Variants in ROPN1L observed in about 807,000 individuals in gnomAD.
ROPN1L encodes the protein ropporin-1-like protein.
In ROPN1L, 23 loss-of-function variants were observed where a neutral mutation model predicts 22.7. That is an observed-to-expected ratio of 1.01 (90% CI 0.73 to 1.43). The LOEUF (loss-of-function observed/expected upper bound fraction) is 1.43. Among genes scored for constraint, ROPN1L ranks in the 40% most tolerant of loss-of-function variants. The pLI, the probability that ROPN1L is intolerant of heterozygous loss-of-function variation, is 0.00. For missense variants in ROPN1L, 271 were observed against 291.5 expected (o/e 0.93, Z 0.51); for synonymous variants, 116 against 117.8 (o/e 0.98, Z 0.10).
intron 3 of ROPN1L, among the ~76,000 whole-genome samples, chr5:10,458,830 ACCATCCCCCCGTATGCC>A (rs1429024229): frequency 5.4e-4 from 5 of 9,310 alleles, no homozygotes; most frequent in East Asian, 4.6e-3. Context: ...ACCCATGTAC[ACCATCCCCCCGTATGCC>A]CCATCCCCCC....
At chr5:10,479,291 TGTGA>T in the ROPN1L span, 2 of 152,248 alleles carry the variant, frequency 1.3e-5, no homozygotes, top group Non-Finnish European at 2.9e-5. Flanking sequence ...GCCCAAGTTC[TGTGA>T]GTGAGTCAGT....
chr5:10,478,946 T>G, the ROPN1L span, among the ~76,000 whole-genome samples: 1 of 152,168 alleles, frequency 6.6e-6, no homozygotes, highest in Non-Finnish European at 1.5e-5. Flanking sequence ...GTGATGATGA[T>G]GAGGATGATG....
chr5:10,467,722 T>C (rs1231902553), downstream of ROPN1L, among the ~76,000 whole-genome samples: 2 of 152,248 alleles, frequency 1.3e-5, no homozygotes, highest in African/African-American at 2.4e-5. Context: ...GGCAGCTTCC[T>C]GCATGACTCA....
chr5:10,457,894 G>A (rs1030523376), intron 3 of ROPN1L, among the ~76,000 whole-genome samples: 4 of 152,030 alleles, frequency 2.6e-5, no homozygotes, highest in East Asian at 1.9e-4. Context: ...CCCTGCAGGC[G>A]ATTCCCCAGG....
chr5:10,443,517 G>A (rs1740951837), intron 1 of ROPN1L, among the ~76,000 whole-genome samples: 1 of 151,826 alleles, frequency 6.6e-6, no homozygotes, highest in South Asian at 2.1e-4. Flanking sequence ...AGCTACTCGG[G>A]AGGCTGAGGC....
At chr5:10,465,831 C>T (rs1428540969), downstream of ROPN1L, among the ~76,000 whole-genome samples, 1 of 152,146 alleles carries the variant, frequency 6.6e-6, no homozygotes, top group Admixed American at 6.5e-5. Context: ...GAGCGAGACT[C>T]CATCTAAAAA....
chr5:10,471,403 C>T (rs989205213), intron 4 of ROPN1L, among the ~76,000 whole-genome samples: 7 of 152,186 alleles, frequency 4.6e-5, no homozygotes, highest in African/African-American at 1.4e-4. Flanking sequence ...CTGCCTTGGC[C>T]TCCCAAAGTG....
intron 4 of ROPN1L, among the ~76,000 whole-genome samples, chr5:10,470,786 C>T (rs1481580944): frequency 6.6e-5 from 10 of 152,196 alleles, no homozygotes; most frequent in African/African-American, 9.7e-5. Flanking sequence ...GTGCCCTGGC[C>T]GTGGGGCCTC....
At position 10,442,305 on chromosome 5, in the gene ROPN1L, G is replaced by C; in HGVS notation, c.131+7G>C. 6.2e-7 allele frequency: 1 copy of C among 1,612,428 alleles called. No individual in the cohort carries two copies. The highest frequency in any genetic ancestry group is 8.5e-7 in the Non-Finnish European group (1 of 1,179,630). ...TGCTGCGGTGGTCCGCGGGGTAAGCGCCCTTGGCCCGGGGAGCTGTCCGGT... is the reference window on the plus strand; with the variant it reads ...TGCTGCGGTGGTCCGCGGGGTAAGCCCCCTTGGCCCGGGGAGCTGTCCGGT... On this transcript the variant is annotated splice_region_variant and intron_variant, in intron 1 of 4. Transcript: ENST00000274134.
rs1212788180 is a variant in ROPN1L at position 10,471,035 on chromosome 5, C to G, written n.886-775C>G. On this transcript the variant is annotated intron_variant and non_coding_transcript_variant, in intron 4 of 4. Coordinates refer to the ROPN1L transcript ENST00000510520. ...GTTACTGGGTCCTGGCAGTCCGACT[C>G]CAGAGCCTTGGAGCCCAACTCCAAA... Among the ~76,000 whole-genome samples the G allele has an allele frequency of 4.6e-5, 7 of 152,190 alleles. No homozygotes were observed. The East Asian group carries it at 1.3e-3, about 29-fold the overall frequency.
chr5:10,459,142 A>G (rs1309177246), intron 3 of ROPN1L, among the ~76,000 whole-genome samples: 1 of 151,738 alleles, frequency 6.6e-6, no homozygotes, highest in Non-Finnish European at 1.5e-5. Flanking sequence ...CTGTTCAGGC[A>G]CCAAACATTG....
At chr5:10,446,665 A>AAC (rs1489741742) in intron 1 of ROPN1L, among the ~76,000 whole-genome samples, 1 of 151,490 alleles carries the variant, frequency 6.6e-6, no homozygotes, top group East Asian at 1.9e-4. Flanking sequence ...TATCTCAAAA[A>AAC]AAAAAAAGCG....
At chr5:10,478,767 C>T in the ROPN1L span, among the ~76,000 whole-genome samples, 189 of 152,322 alleles carry the variant, frequency 1.2e-3, 1 homozygote, top group African/African-American at 4.3e-3. Context: ...GGGAAACACT[C>T]TTCAAGCCAG....
At chr5:10,479,745 G>A in the ROPN1L span, among the ~76,000 whole-genome samples, 1 of 152,038 alleles carries the variant, frequency 6.6e-6, no homozygotes, top group Admixed American at 6.5e-5. Flanking sequence ...GCTGGGACAT[G>A]TCAACTCTTT....
intron 3 of ROPN1L, among the ~76,000 whole-genome samples, chr5:10,454,743 A>G (rs1400473005): frequency 2.0e-5 from 3 of 152,234 alleles, no homozygotes; most frequent in Admixed American, 1.3e-4. Context: ...CGCAGTGGGC[A>G]TGATTTCTAG....
At position 10,448,390 on chromosome 5, in the gene ROPN1L, G is replaced by T; in HGVS notation, c.255+7G>T. The T allele has an allele frequency of 2.5e-6, 4 of 1,614,042 alleles. No homozygotes were observed. Among genetic ancestry groups the T allele is most frequent in the South Asian group, 1.1e-5 (1 of 91,070 alleles). On this transcript the variant is annotated splice_region_variant and intron_variant, in intron 2 of 4. Transcript: ENST00000274134. ...GAAAGTTTTGCACAAGCAGGTATGG[G>T]GGGGCGTAGTCTCTGGCCTCAGGCA... is the stretch of plus-strand genomic sequence containing the variant.
At chr5:10,479,236 C>G in the ROPN1L span, 36 of 152,206 alleles carry the variant, frequency 2.4e-4, no homozygotes, top group African/African-American at 8.4e-4. Context: ...ATGACTGTCT[C>G]CATGCTTCCA....
chr5:10,470,365 A>T (rs1390016564), intron 4 of ROPN1L, among the ~76,000 whole-genome samples: 2 of 152,190 alleles, frequency 1.3e-5, no homozygotes, highest in Admixed American at 6.5e-5. Context: ...TTTAGAGGGG[A>T]CTGGCCTAGA....
the ROPN1L span, among the ~76,000 whole-genome samples, chr5:10,477,300 C>A: frequency 5.0e-3 from 759 of 152,302 alleles, 6 homozygotes; most frequent in African/African-American, 0.018. Context: ...GGCCACTGAC[C>A]TGGGCACTGT....
Sources: gnomAD v4.1 joint callset for allele counts (sites outside exome capture counted in the v4.1 genomes callset) on GRCh38, gnomAD v4.1.1 for gene constraint, MANE v1.5 for transcripts, NCBI Gene and HGNC (gene_info 2026-07-23, HGNC 2026-07-21) for gene names.